GNG12: variants seen among roughly 807,000 people sequenced by gnomAD.
The protein encoded by GNG12 is guanine nucleotide-binding protein G(I)/G(S)/G(O) subunit gamma-12.
For synonymous variants in GNG12, 28 were observed against 29.7 expected, an observed-to-expected ratio of 0.94 and a Z score of 0.19; for missense variants, 69 against 83.8, an observed-to-expected ratio of 0.82 and a Z score of 0.69.
At chr1:67,803,242 A>C (rs1338945385) in intron 1 of GNG12, among the ~76,000 whole-genome samples, 1 of 152,336 alleles carries the variant, frequency 6.6e-6, no homozygotes, top group East Asian at 1.9e-4. Context: ...GGTTGGGCAC[A>C]GTGGCTCATG....
chr1:67,770,054 A>G (rs1646664650), intron 2 of GNG12, among the ~76,000 whole-genome samples: 1 of 152,178 alleles, frequency 6.6e-6, no homozygotes, highest in Non-Finnish European at 1.5e-5. Flanking sequence ...AGTGTCTCAC[A>G]CTGGGTCTGA....
At chr1:67,749,775 T>A (rs1646527935) in intron 2 of GNG12, among the ~76,000 whole-genome samples, 1 of 152,136 alleles carries the variant, frequency 6.6e-6, no homozygotes. Context: ...AGACTGAGAA[T>A]TTTTATCCAC....
chr1:67,832,777 C>T (rs1355546909), intron 1 of GNG12, among the ~76,000 whole-genome samples: 1 of 152,160 alleles, frequency 6.6e-6, no homozygotes, highest in East Asian at 1.9e-4. Context: ...CCCCCAGCGC[C>T]CAGCGGATTC....
At chr1:67,711,301 C>T (rs1005700300) in intron 2 of GNG12, among the ~76,000 whole-genome samples, 3 of 152,106 alleles carry the variant, frequency 2.0e-5, no homozygotes, top group African/African-American at 4.8e-5. Flanking sequence ...ATTAACCTGA[C>T]ATATAAACAG....
intron 1 of GNG12, among the ~76,000 whole-genome samples, chr1:67,826,002 C>A (rs1452077518): frequency 6.6e-6 from 1 of 152,198 alleles, no homozygotes; most frequent in African/African-American, 2.4e-5. Context: ...CATATATAAT[C>A]AGTATTACTT....
In GNG12 at chr1:67,823,149, T is replaced by TC. The variant is rs1646993554; in HGVS notation, c.-77+10194dup. The stretch of plus-strand genomic sequence containing the variant: ...CAACAAAATACGGCATGTATAACCT[T>TC]CCTTCAGGAGATACAGTGCAAGTGG... On this transcript the variant is annotated intron_variant, in intron 1 of 3. Coordinates refer to ENST00000370982, the MANE Select transcript of GNG12 (RefSeq NM_018841.6). Among the ~76,000 whole-genome samples the TC allele has an allele frequency of 2.6e-5, 4 of 152,314 alleles. No individual in the cohort carries two copies. In the South Asian group the frequency reaches 8.3e-4, roughly 32 times the overall value.
chr1:67,817,071 T>C (rs779537074), intron 1 of GNG12, among the ~76,000 whole-genome samples: 1 of 151,920 alleles, frequency 6.6e-6, no homozygotes, highest in Non-Finnish European at 1.5e-5. Context: ...AATATAAAGA[T>C]GAAAAAAAGG....
chr1:67,765,781 C>A (rs1283902200), intron 2 of GNG12, among the ~76,000 whole-genome samples: 1 of 152,114 alleles, frequency 6.6e-6, no homozygotes, highest in Non-Finnish European at 1.5e-5. Flanking sequence ...AAAAAGATTT[C>A]AATGTGGGTG....
intron 2 of GNG12, among the ~76,000 whole-genome samples, chr1:67,764,163 G>A (rs1381426427): frequency 2.6e-5 from 4 of 152,116 alleles, no homozygotes; most frequent in East Asian, 3.9e-4. Context: ...AAGAAAATAT[G>A]GATTGTGGTA....
intron 1 of GNG12, among the ~76,000 whole-genome samples, chr1:67,798,813 G>A (rs1200792623): frequency 6.6e-6 from 1 of 152,066 alleles, no homozygotes; most frequent in Non-Finnish European, 1.5e-5. Flanking sequence ...AATTAGCTGG[G>A]TGTGGTGGCA....
intron 1 of GNG12, among the ~76,000 whole-genome samples, chr1:67,830,527 T>C (rs529289701): frequency 1.3e-5 from 2 of 152,330 alleles, no homozygotes; most frequent in African/African-American, 2.4e-5. Flanking sequence ...TTTTCATACT[T>C]TGATTAAGAA....
At chr1:67,760,704 T>C (rs1451802784) in intron 2 of GNG12, among the ~76,000 whole-genome samples, 3 of 152,188 alleles carry the variant, frequency 2.0e-5, no homozygotes, top group African/African-American at 7.2e-5. Context: ...CTCAGCAAGA[T>C]ACTTTCTTCA....
intron 1 of GNG12, among the ~76,000 whole-genome samples, chr1:67,789,972 A>G (rs1291468737): frequency 2.0e-5 from 3 of 152,266 alleles, no homozygotes; most frequent in African/African-American, 7.2e-5. Context: ...CTACCAAAAT[A>G]TGGATTAGCA....
intron 2 of GNG12, among the ~76,000 whole-genome samples, chr1:67,729,704 T>C (rs1646408129): frequency 6.6e-6 from 1 of 152,198 alleles, no homozygotes; most frequent in African/African-American, 2.4e-5. Context: ...CCTGCTCTGT[T>C]GGAGGTTGTG....
chr1:67,822,091 T>C (rs907227256), intron 1 of GNG12, among the ~76,000 whole-genome samples: 18 of 151,536 alleles, frequency 1.2e-4, no homozygotes, highest in Non-Finnish European at 2.5e-4. Context: ...AAAAAAAATC[T>C]CATAATGTTT....
At chr1:67,790,907 C>T (rs1364733422) in intron 1 of GNG12, among the ~76,000 whole-genome samples, 1 of 152,200 alleles carries the variant, frequency 6.6e-6, no homozygotes, top group African/African-American at 2.4e-5. Flanking sequence ...AGGCACCATG[C>T]CCAGCCCATA....
rs979070178 is a variant in GNG12 at position 67,764,127 on chromosome 1, T to A, written c.-27+13331A>T. 2.0e-5 allele frequency among the ~76,000 whole-genome samples: 3 copies of A among 152,230 alleles called. No individual in the cohort carries two copies. The East Asian group carries it at 5.8e-4, about 29-fold the overall frequency. On this transcript the variant is annotated intron_variant, in intron 2 of 3. Transcript: ENST00000370982. ...CTGGGCCAGTAGTTTAGGTGTGAGA[T>A]CAAGGTCTCAAGTAAAGAAATAAAC...
At chr1:67,731,994 T>C (rs906767097) in intron 2 of GNG12, among the ~76,000 whole-genome samples, 1 of 152,214 alleles carries the variant, frequency 6.6e-6, no homozygotes, top group South Asian at 2.1e-4. Flanking sequence ...GAATATGCAA[T>C]GTCCACTTAA....
intron 1 of GNG12, among the ~76,000 whole-genome samples, chr1:67,797,899 G>A (rs528552935): frequency 4.6e-5 from 7 of 152,248 alleles, no homozygotes; most frequent in South Asian, 2.1e-4. Context: ...GAGGTGACAC[G>A]CGTCTCCACT....
Sources: allele counts gnomAD v4.1 joint callset (sites outside exome capture counted in the v4.1 genomes callset), GRCh38; gene constraint gnomAD v4.1.1; transcripts MANE v1.5; gene names NCBI Gene and HGNC (gene_info 2026-07-23, HGNC 2026-07-21).